Variants in HYDIN observed in about 807,000 individuals in gnomAD.
The protein encoded by HYDIN is axonemal central pair apparatus protein HYDIN.
Under a neutral mutation model 403.9 loss-of-function variants are expected in HYDIN, and 132 were observed. The ratio of observed to expected loss-of-function variants is 0.33; its 90% CI spans 0.28 to 0.38. The LOEUF (loss-of-function observed/expected upper bound fraction) is 0.38. Ranked by LOEUF, HYDIN falls within the 10% of genes least tolerant of loss-of-function variation. HYDIN has a pLI of 1.00. For synonymous variants in HYDIN, 1,202 were observed against 1,891.7 expected, an observed-to-expected ratio of 0.64 and a Z score of 9.46; for missense variants, 2,827 against 5,009.5, an observed-to-expected ratio of 0.56 and a Z score of 13.15.
intron 1 of HYDIN, among the ~76,000 whole-genome samples, chr16:71,190,672 G>T (rs1369569238): frequency 6.6e-6 from 1 of 152,186 alleles, no homozygotes; most frequent in East Asian, 1.9e-4. Flanking sequence ...AGATGTTGCT[G>T]AAGAACCTGA....
chr16:71,222,742 AAAAAT>A (rs1423270207), intron 1 of HYDIN, among the ~76,000 whole-genome samples: 1 of 152,334 alleles, frequency 6.6e-6, no homozygotes, highest in South Asian at 2.1e-4. Flanking sequence ...ACAGCTGCAA[AAAAAT>A]AAAATAAAAT....
At chr16:71,054,064 A>G in intron 18 of HYDIN, among the ~76,000 whole-genome samples, 1 of 152,270 alleles carries the variant, frequency 6.6e-6, no homozygotes, top group Non-Finnish European at 1.5e-5. Flanking sequence ...AGGACACCGC[A>G]AACCTTAAGG....
intron 18 of HYDIN, among the ~76,000 whole-genome samples, chr16:71,044,872 G>A (rs532675414): frequency 6.6e-6 from 1 of 150,520 alleles, no homozygotes; most frequent in East Asian, 1.9e-4. Context: ...GGTACTTTGA[G>A]GCCTAGAATA....
At chr16:71,034,566 TAATATTTA>T (rs1314707355) in intron 18 of HYDIN, among the ~76,000 whole-genome samples, 1 of 151,732 alleles carries the variant, frequency 6.6e-6, no homozygotes, top group East Asian at 1.9e-4. Context: ...AAGGAAAATC[TAATATTTA>T]AAGCAAAATG....
intron 83 of HYDIN, among the ~76,000 whole-genome samples, chr16:70,822,739 A>G (rs115281594): frequency 0.042 from 6,326 of 152,292 alleles, 460 homozygotes; most frequent in African/African-American, 0.14. Context: ...ACATCGAGGC[A>G]AGACCCTCCA....
At chr16:71,026,303 A>C (rs1031166922) in intron 20 of HYDIN, among the ~76,000 whole-genome samples, 5 of 152,332 alleles carry the variant, frequency 3.3e-5, no homozygotes, top group African/African-American at 9.6e-5. Flanking sequence ...AAAGGATCAA[A>C]AGTGAATTTA....
rs747074358 is a variant in HYDIN at position 71,175,624 on chromosome 16, T to C, written c.499A>G (p.Thr167Ala). 3.1e-6 allele frequency: 5 copies of C among 1,614,146 alleles called. No individual in the cohort carries two copies. The South Asian group carries it at 5.5e-5, about 18-fold the overall frequency. Residue 167 changes from threonine (T) to alanine (A), a missense_variant, in exon 5 of 86, where the codon ACT (threonine) becomes GCT (alanine). Transcript: ENST00000393567. ...GVPSIFRILF[T>A]PEENKDYAHT... ...GGTATTACCTTGTTCTCCTCTGGAG[T>C]AAAGAGGATTCGGAATATGGAAGGC...
chr16:71,126,561 G>T (rs550054248), intron 9 of HYDIN, among the ~76,000 whole-genome samples: 7 of 152,194 alleles, frequency 4.6e-5, no homozygotes, highest in Admixed American at 4.6e-4. Flanking sequence ...CGTGGTCCAA[G>T]TCTCTTCCCA....
At chr16:70,857,963 A>C in intron 71 of HYDIN, 93 bp from the exon 72 acceptor site, 1 of 1,107,206 alleles carries the variant, frequency 9.0e-7, no homozygotes, top group Admixed American at 2.9e-5. Flanking sequence ...GGGTCATGAG[A>C]GTTGATGTTA....
At chr16:71,097,983 G>A (rs993182845) in intron 10 of HYDIN, among the ~76,000 whole-genome samples, 2 of 152,152 alleles carry the variant, frequency 1.3e-5, no homozygotes, top group African/African-American at 2.4e-5. Flanking sequence ...TTAAATGTCC[G>A]TTAAAGACAG....
chr16:71,226,948 A>C (rs1255067649), intron 1 of HYDIN, among the ~76,000 whole-genome samples: 1 of 152,108 alleles, frequency 6.6e-6, no homozygotes, highest in Non-Finnish European at 1.5e-5. Context: ...GCAGCACCCA[A>C]ATAAAGCCTT....
chr16:71,051,042 T>TA (rs372285494), intron 18 of HYDIN, among the ~76,000 whole-genome samples: 6 of 140,778 alleles, frequency 4.3e-5, no homozygotes, highest in African/African-American at 1.6e-4. Context: ...AAATGCAACA[T>TA]AAAAAAAAGT....
intron 1 of HYDIN, among the ~76,000 whole-genome samples, chr16:71,191,377 T>C (rs895182686): frequency 6.6e-6 from 1 of 152,196 alleles, no homozygotes; most frequent in Non-Finnish European, 1.5e-5. Context: ...TTGTCTGAGA[T>C]ATACTTTAAA....
At chr16:70,843,038 TA>T (rs1171133890) in intron 75 of HYDIN, among the ~76,000 whole-genome samples, 12 of 151,170 alleles carry the variant, frequency 7.9e-5, no homozygotes, top group African/African-American at 2.9e-4. Context: ...TTTATTTATT[TA>T]TTTATTCTTT....
At chr16:71,126,520 G>C (rs7203444) in intron 9 of HYDIN, among the ~76,000 whole-genome samples, 8 of 149,946 alleles carry the variant, frequency 5.3e-5, no homozygotes, top group Non-Finnish European at 1.0e-4. Flanking sequence ...GCTGTCAGTC[G>C]TGGTAATCTT....
At chr16:70,849,641 G>C in intron 75 of HYDIN, 85 bp downstream of exon 75, 2 of 856,650 alleles carry the variant, frequency 2.3e-6, no homozygotes, top group Non-Finnish European at 1.9e-6. Flanking sequence ...ACATGGAGAA[G>C]ACAAAGAACA....
chr16:71,184,987 T>C lies in HYDIN; in HGVS notation c.139A>G (p.Thr47Ala), dbSNP rs1278163428. The C allele has an allele frequency of 2.5e-6, 4 of 1,595,518 alleles. No homozygotes were observed. Among genetic ancestry groups the C allele is most frequent in the Non-Finnish European group, 3.4e-6 (4 of 1,169,918 alleles). ...ATTTCCTTCAGGAACTCTGAGGGTG[T>C]AAGCTAGAATGTAAAACAATAAGAA... ...VTEEEVNRML[T>A]PSEFLKEMSL... Residue 47 changes from threonine (T) to alanine (A), a missense_variant, in exon 3 of 86, where the codon ACA becomes GCA. Thr to Ala is a moderately conservative substitution (Grantham distance 58). Coordinates refer to ENST00000393567, the MANE Select transcript of HYDIN (RefSeq NM_001270974.2).
intron 5 of HYDIN, among the ~76,000 whole-genome samples, chr16:71,170,872 A>G (rs1435686770): frequency 1.3e-5 from 2 of 152,200 alleles, no homozygotes; most frequent in Non-Finnish European, 2.9e-5. Context: ...AAGGGGCAGG[A>G]CAGATGAAGC....
chr16:71,050,926 T>G (rs2144231297), intron 18 of HYDIN, among the ~76,000 whole-genome samples: 1 of 145,780 alleles, frequency 6.9e-6, no homozygotes, highest in East Asian at 2.0e-4. Flanking sequence ...AAGCAATAGA[T>G]CCTACTTTAT....
Sources: gnomAD v4.1 joint callset for allele counts (sites outside exome capture counted in the v4.1 genomes callset) on GRCh38, gnomAD v4.1.1 for gene constraint, MANE v1.5 for transcripts, NCBI Gene and HGNC (gene_info 2026-07-23, HGNC 2026-07-21) for gene names.